Variants in KIAA1586 observed in about 807,000 individuals in gnomAD.
KIAA1586 encodes KIAA1586, also known as E3 SUMO-protein ligase KIAA1586.
In KIAA1586, 5 loss-of-function variants were observed where a neutral mutation model predicts 6.1. That is an observed-to-expected ratio of 0.82 (90% CI 0.43 to 1.73). The LOEUF is 1.73. Among genes scored for constraint, KIAA1586 ranks in the 40% most tolerant of loss-of-function variants. KIAA1586 has a pLI of 0.02. For missense variants in KIAA1586, 899 were observed against 878.2 expected (o/e 1.02, Z -0.30); for synonymous variants, 280 against 301.7 (o/e 0.93, Z 0.75).
At chr6:57,062,436 A>T in the KIAA1586 span, among the ~76,000 whole-genome samples, 1 of 152,220 alleles carries the variant, frequency 6.6e-6, no homozygotes, top group Non-Finnish European at 1.5e-5. Flanking sequence ...TAGGATTATT[A>T]TCACGTGGGG....
chr6:57,051,005 G>A (rs559679134), intron 3 of KIAA1586, 151 bp downstream of exon 3: 1 of 536,230 alleles, frequency 1.9e-6, no homozygotes. Flanking sequence ...CGAGGCGGTT[G>A]GATCACTTGA....
chr6:57,048,980 C>CT (rs1317366623), intron 2 of KIAA1586, among the ~76,000 whole-genome samples: 6 of 151,552 alleles, frequency 4.0e-5, no homozygotes, highest in African/African-American at 1.2e-4. Context: ...GTTTAAAACT[C>CT]TTACTTTAAA....
chr6:57,050,003 T>G (rs986587089), intron 2 of KIAA1586, among the ~76,000 whole-genome samples: 2 of 152,104 alleles, frequency 1.3e-5, no homozygotes, highest in Admixed American at 1.3e-4. Flanking sequence ...CTGTTATCTT[T>G]TTTTTTTAAT....
In KIAA1586 at chr6:57,054,964, C is replaced by A; in HGVS notation, c.*101C>A. On this transcript the variant is annotated 3_prime_UTR_variant, in exon 4 of 4. Transcript: ENST00000370733. ...TTTGGAAAGCCAGTTAAACTTTTATCAGCATGTTGCTGTTTAAAAGGCGTT... is the reference window on the plus strand; with the variant it reads ...TTTGGAAAGCCAGTTAAACTTTTATAAGCATGTTGCTGTTTAAAAGGCGTT... 1 of 1,273,804 alleles carries A rather than the reference C, an allele frequency of 7.9e-7. No individual in the cohort carries two copies. The highest frequency in any genetic ancestry group is 1.1e-6 in the Non-Finnish European group (1 of 952,134). The allele number at this position is 1,273,804 out of a possible 1,614,324, so 78.9% of individuals were successfully genotyped here. A position where few individuals can be genotyped will look rare whatever the true frequency, so the allele number is the denominator to read the frequency against.
chr6:57,050,332 TAGAC>T (rs1007143905), intron 2 of KIAA1586, among the ~76,000 whole-genome samples: 5 of 151,668 alleles, frequency 3.3e-5, no homozygotes, highest in African/African-American at 1.2e-4. Flanking sequence ...TTTTTTTTTT[TAGAC>T]AGTGTCTTGC....
At chr6:57,057,746 C>T (rs1828518692), downstream of KIAA1586, among the ~76,000 whole-genome samples, 1 of 144,186 alleles carries the variant, frequency 6.9e-6, no homozygotes, top group South Asian at 2.1e-4. Flanking sequence ...AGCAAGACTC[C>T]AAGTCAAAAA....
the KIAA1586 span, among the ~76,000 whole-genome samples, chr6:57,062,581 A>C: frequency 2.0e-5 from 3 of 152,214 alleles, no homozygotes; most frequent in Non-Finnish European, 4.4e-5. Flanking sequence ...TGAGATGGCC[A>C]GCAATAGTTT....
At chr6:57,058,041 C>G (rs140316159), downstream of KIAA1586, among the ~76,000 whole-genome samples, 1 of 152,060 alleles carries the variant, frequency 6.6e-6, no homozygotes, top group African/African-American at 2.4e-5. Flanking sequence ...GTGATCCACC[C>G]GCCTTAGCCT....
rs1198539972 is a variant in KIAA1586, at chr6:57,054,214, G to C, written c.1715G>C (p.Gly572Ala). ...RALENLKIGT[G>A]KYESQIEDLI... Reference sequence around the variant, plus strand: ...TTGGAAAATTTAAAAATTGGTACTGGAAAGTATGAATCTCAAATTGAAGAT... The same window carrying C: ...TTGGAAAATTTAAAAATTGGTACTGCAAAGTATGAATCTCAAATTGAAGAT... Residue 572 changes from glycine to alanine, a missense_variant, in exon 4 of 4, where the codon GGA becomes GCA. Gly to Ala is a moderately conservative substitution (Grantham distance 60). Coordinates refer to ENST00000370733, the MANE Select transcript of KIAA1586 (RefSeq NM_020931.4). 1 of 1,593,828 alleles carries C rather than the reference G, an allele frequency of 6.3e-7. No individual in the cohort carries two copies. Among genetic ancestry groups the C allele is most frequent in the African/African-American group, 1.4e-5 (1 of 73,320 alleles).
Position 57,052,943 on chromosome 6 carries a change from A to G in KIAA1586, c.444A>G (p.Gln148=). The G allele has an allele frequency of 6.2e-7, 1 of 1,613,890 alleles. No homozygotes were observed. The highest frequency in any genetic ancestry group is 1.1e-5 in the South Asian group (1 of 91,076). Residue 148 remains glutamine, a synonymous_variant, in exon 4 of 4, where the codon CAA becomes CAG. Transcript: ENST00000370733. ...NEKQAFMFTE[Q]YKWLEIKEGK... is the part of the protein sequence containing the mutation. ...AACAAGCATTTATGTTTACAGAACA[A>G]TACAAATGGCTTGAAATAAAAGAAG...
chr6:57,059,206 A>G (rs1828534130), downstream of KIAA1586, among the ~76,000 whole-genome samples: 1 of 152,050 alleles, frequency 6.6e-6, no homozygotes, highest in Admixed American at 6.5e-5. Context: ...TATATTGATA[A>G]TATGTTATAA....
chr6:57,064,286 CATAAA>C, the KIAA1586 span, among the ~76,000 whole-genome samples: 2 of 152,250 alleles, frequency 1.3e-5, no homozygotes, highest in South Asian at 4.2e-4. Flanking sequence ...AAGTTGAAGT[CATAAA>C]ATAAAAATAA....
downstream of KIAA1586, among the ~76,000 whole-genome samples, chr6:57,056,315 T>C (rs929095940): frequency 5.9e-5 from 9 of 152,092 alleles, no homozygotes; most frequent in Non-Finnish European, 8.8e-5. Flanking sequence ...CAAGCAGTTC[T>C]CCTGCCTCAG....
the KIAA1586 span, among the ~76,000 whole-genome samples, chr6:57,061,275 C>G: frequency 6.6e-6 from 1 of 152,222 alleles, no homozygotes; most frequent in Non-Finnish European, 1.5e-5. Flanking sequence ...CGCGCCCGGC[C>G]ATGTTCCACC....
Position 57,053,427 on chromosome 6 carries a change from G to T in KIAA1586, c.928G>T (p.Glu310Ter), listed in dbSNP as rs1303183348. 1 of 1,609,786 alleles carries T rather than the reference G, an allele frequency of 6.2e-7. No individual in the cohort carries two copies. The change falls in exon 4 of 4, where the codon GAG becomes TAG. Residue 310 changes from glutamate (E) to a stop codon, truncating the protein, a stop_gained. Coordinates refer to ENST00000370733, the MANE Select transcript of KIAA1586 (RefSeq NM_020931.4). LOFTEE classifies it low-confidence loss of function (END_TRUNC). ...GAAGATATTTAAGAATATTATAGAA[G>T]AGAATGCCAAAATCTGTATCATAAT... The part of the protein sequence containing the change: ...KMKIFKNIIE[E>*]NAKICIIIDE...
Position 57,054,394 on chromosome 6 carries a change from A to T in KIAA1586, c.1895A>T (p.Asp632Val). 6.2e-7 allele frequency: 1 copy of T among 1,609,258 alleles called. No homozygotes were observed. The highest frequency in any genetic ancestry group is 2.2e-5 in the East Asian group (1 of 44,790). Reference sequence around the variant, plus strand: ...CATGAAGATATTTTTAATTACTTTGATTTGCTGGAACCTTCCACATGGCCT... The same window carrying T: ...CATGAAGATATTTTTAATTACTTTGTTTTGCTGGAACCTTCCACATGGCCT... The part of the protein sequence containing the change: ...RNHEDIFNYF[D>V]LLEPSTWPYE... Residue 632 changes from aspartate to valine, a missense_variant, in exon 4 of 4, where the codon GAT becomes GTT. Physicochemically the swap from Asp to Val is radical, Grantham distance 152. Coordinates refer to ENST00000370733, the MANE Select transcript of KIAA1586 (RefSeq NM_020931.4).
Position 57,052,882 on chromosome 6 carries a change from T to G in KIAA1586, c.383T>G (p.Ile128Arg), listed in dbSNP as rs764331363. The change falls in exon 4 of 4, where the codon ATA (isoleucine) becomes AGA (arginine). Residue 128 changes from isoleucine (I) to arginine (R), a missense_variant. Ile to Arg is a moderately conservative substitution (Grantham distance 97). Transcript: ENST00000370733. The part of the protein sequence containing the change: ...EKPSLSSKKE[I>R]DNLVLPDCWN... ...CCATCACTTTCATCAAAGAAAGAAA[T>G]AGATAATCTTGTGCTTCCAGATTGT... is the stretch of plus-strand genomic sequence containing the variant. 1 of 1,612,598 alleles carries G rather than the reference T, an allele frequency of 6.2e-7. No individual in the cohort carries two copies. The highest frequency in any genetic ancestry group is 1.1e-5 in the South Asian group (1 of 90,880).
chr6:57,049,498 T>A (rs1459836713), intron 2 of KIAA1586, among the ~76,000 whole-genome samples: 1 of 152,200 alleles, frequency 6.6e-6, no homozygotes, highest in Non-Finnish European at 1.5e-5. Flanking sequence ...GAATCCTCTT[T>A]GTGTTCTGTC....
At position 57,053,068 on chromosome 6, in the gene KIAA1586, C is replaced by A; in HGVS notation, c.569C>A (p.Thr190Asn). Residue 190 changes from threonine to asparagine, a missense_variant, in exon 4 of 4, where the codon ACC (threonine) becomes AAC (asparagine). Physicochemically the swap from Thr to Asn is moderately conservative, Grantham distance 65. Coordinates refer to ENST00000370733, the MANE Select transcript of KIAA1586 (RefSeq NM_020931.4). ...VSKEWIAYLVTPNGSNKTTRQ... is the reference protein window; with the variant it reads ...VSKEWIAYLVNPNGSNKTTRQ... ...AAGGAATGGATTGCATATTTAGTAA[C>A]CCCTAATGGCAGTAATAAAACTACT... 1.9e-6 allele frequency: 3 copies of A among 1,611,550 alleles called. No homozygotes were observed. Among genetic ancestry groups the A allele is most frequent in the Non-Finnish European group, 2.5e-6 (3 of 1,179,202 alleles).
Sources: gnomAD v4.1 joint callset for allele counts (sites outside exome capture counted in the v4.1 genomes callset) on GRCh38, gnomAD v4.1.1 for gene constraint, MANE v1.5 for transcripts, NCBI Gene and HGNC (gene_info 2026-07-23, HGNC 2026-07-21) for gene names.